CHST9: variants seen among roughly 807,000 people sequenced by gnomAD.
The protein encoded by CHST9 is carbohydrate sulfotransferase 9.
Under a neutral mutation model 44.4 loss-of-function variants are expected in CHST9, and 41 were observed. The observed-to-expected ratio is 0.92, with a 90% CI of 0.72 to 1.20. The LOEUF is 1.20. Ranked by LOEUF, CHST9 falls within the 50% of genes most tolerant of loss-of-function variation. The pLI is 0.00. For synonymous variants in CHST9, 171 were observed against 178.4 expected, an observed-to-expected ratio of 0.96 and a Z score of 0.33; for missense variants, 504 against 516.5, an observed-to-expected ratio of 0.98 and a Z score of 0.23.
chr18:26,960,959 G>T (rs1598596616), intron 4 of CHST9, among the ~76,000 whole-genome samples: 3 of 152,196 alleles, frequency 2.0e-5, no homozygotes, highest in Non-Finnish European at 2.9e-5. Context: ...GGGAATAAAA[G>T]AATATTATAG....
intron 4 of CHST9, among the ~76,000 whole-genome samples, chr18:26,980,791 C>T (rs145178741): frequency 1.3e-5 from 2 of 152,248 alleles, no homozygotes; most frequent in Admixed American, 6.5e-5. Context: ...GAATATTTTA[C>T]CAAGGGCAGA....
intron 3 of CHST9, among the ~76,000 whole-genome samples, chr18:27,040,698 T>C (rs912615068): frequency 6.6e-6 from 1 of 152,178 alleles, no homozygotes; most frequent in African/African-American, 2.4e-5. Flanking sequence ...CTATACTGCA[T>C]GGCTCAAGTG....
chr18:26,972,818 G>A (rs1263770184), intron 4 of CHST9, among the ~76,000 whole-genome samples: 4 of 152,154 alleles, frequency 2.6e-5, no homozygotes, highest in Non-Finnish European at 5.9e-5. Context: ...TCTGATACCA[G>A]ATTTCCTTTC....
chr18:26,915,166 T>G lies in CHST9; in HGVS notation c.*1093A>C, dbSNP rs915558568. ...AAAAGAAAATACCTTAATTTACTTA[T>G]GCATAAGCCTATTAAACACATTTCT... On this transcript the variant is annotated 3_prime_UTR_variant, in exon 6 of 6. Coordinates refer to ENST00000618847, the MANE Select transcript of CHST9 (RefSeq NM_031422.6). The G allele has an allele frequency of 3.3e-5, 13 of 390,572 alleles. No homozygotes were observed. The East Asian group carries it at 4.7e-4, about 14-fold the overall frequency. 24.2% of individuals were successfully genotyped at this position (390,572 alleles called of 1,614,324 possible).
At chr18:27,174,613 T>C (rs994402255) in intron 1 of CHST9, among the ~76,000 whole-genome samples, 1 of 151,978 alleles carries the variant, frequency 6.6e-6, no homozygotes, top group Non-Finnish European at 1.5e-5. Flanking sequence ...ATTCACCCAA[T>C]GGCAGATGAC....
At chr18:26,927,337 A>G (rs2055787732) in intron 5 of CHST9, among the ~76,000 whole-genome samples, 1 of 152,026 alleles carries the variant, frequency 6.6e-6, no homozygotes, top group Admixed American at 6.6e-5. Context: ...CGGGGGTACG[A>G]GAGACTGAGA....
chr18:27,020,428 G>A (rs2057210666), intron 4 of CHST9, among the ~76,000 whole-genome samples: 1 of 152,226 alleles, frequency 6.6e-6, no homozygotes, highest in South Asian at 2.1e-4. Context: ...TGGGAGCCAA[G>A]GCTGAGAAGA....
rs1453462455 is a variant in CHST9 at position 27,029,875 on chromosome 18, CTTT to C, written c.161-5721_161-5719del. On this transcript the variant is annotated intron_variant, in intron 3 of 5. Coordinates refer to ENST00000618847, the MANE Select transcript of CHST9 (RefSeq NM_031422.6). ...TTGTAATTTGAATCTCATCATCCAC[CTTT>C]TTCTAATCTTTGGGTTTCATATGTT... Among the ~76,000 whole-genome samples the C allele has an allele frequency of 3.3e-5, 5 of 152,240 alleles. No individual in the cohort carries two copies. In the East Asian group the frequency reaches 9.6e-4, roughly 29 times the overall value.
intron 4 of CHST9, chr18:26,952,471 G>T: frequency 2.3e-6 from 1 of 443,272 alleles, no homozygotes; most frequent in East Asian, 5.6e-5. Flanking sequence ...ACAGTCATTT[G>T]GGGCTCTGAC....
chr18:27,095,034 A>G (rs2058104018), intron 2 of CHST9, among the ~76,000 whole-genome samples: 1 of 152,198 alleles, frequency 6.6e-6, no homozygotes, highest in Non-Finnish European at 1.5e-5. Flanking sequence ...TTGACATTAA[A>G]AAATATTCTT....
intron 5 of CHST9, among the ~76,000 whole-genome samples, chr18:26,940,877 G>A (rs923139723): frequency 3.3e-5 from 5 of 152,210 alleles, no homozygotes; most frequent in Non-Finnish European, 5.9e-5. Flanking sequence ...AGATGGCTGG[G>A]ATCCTTATAA....
intron 1 of CHST9, among the ~76,000 whole-genome samples, chr18:27,170,972 G>A (rs2058829432): frequency 6.6e-6 from 1 of 152,186 alleles, no homozygotes; most frequent in African/African-American, 2.4e-5. Context: ...CATCAGGCTG[G>A]AGAAAATAGC....
intron 5 of CHST9, among the ~76,000 whole-genome samples, chr18:26,938,441 G>T (rs1391219537): frequency 6.6e-6 from 1 of 152,172 alleles, no homozygotes; most frequent in Non-Finnish European, 1.5e-5. Flanking sequence ...TCTTAAAAGG[G>T]AATTAGGGAC....
chr18:27,071,888 T>A (rs1290166419), intron 2 of CHST9, among the ~76,000 whole-genome samples: 1 of 152,206 alleles, frequency 6.6e-6, no homozygotes, highest in Non-Finnish European at 1.5e-5. Flanking sequence ...GTATAAATAG[T>A]CTCTCATCTT....
chr18:27,054,314 A>G (rs551163417), intron 2 of CHST9, among the ~76,000 whole-genome samples: 20 of 152,354 alleles, frequency 1.3e-4, no homozygotes, highest in African/African-American at 4.6e-4. Context: ...ATTCTGTCCT[A>G]GTTGTGCTTT....
chr18:27,075,179 GTT>G (rs67114014), intron 2 of CHST9, among the ~76,000 whole-genome samples: 1 of 141,732 alleles, frequency 7.1e-6, no homozygotes, highest in Admixed American at 7.0e-5. Context: ...TTTGTTTTTT[GTT>G]TTTTTTTTGG....
chr18:27,055,845 C>T (rs2057648267), intron 2 of CHST9, among the ~76,000 whole-genome samples: 1 of 152,050 alleles, frequency 6.6e-6, no homozygotes, highest in South Asian at 2.1e-4. Flanking sequence ...TCTCATCCTA[C>T]CCAGGGATGC....
intron 4 of CHST9, among the ~76,000 whole-genome samples, chr18:26,978,912 GGAGA>G (rs2145187236): frequency 6.6e-6 from 1 of 152,292 alleles, no homozygotes; most frequent in Admixed American, 6.5e-5. Context: ...CGAACCCAAG[GGAGA>G]GTCAAGACCT....
intron 2 of CHST9, among the ~76,000 whole-genome samples, chr18:27,124,544 C>T (rs1022817200): frequency 6.6e-6 from 1 of 152,184 alleles, no homozygotes; most frequent in Non-Finnish European, 1.5e-5. Flanking sequence ...CCCATTACCA[C>T]TAGTTTTCCA....
Sources: allele counts gnomAD v4.1 joint callset (sites outside exome capture counted in the v4.1 genomes callset), GRCh38; gene constraint gnomAD v4.1.1; transcripts MANE v1.5; gene names NCBI Gene and HGNC (gene_info 2026-07-23, HGNC 2026-07-21).